The following CPED1 variants were observed in gnomAD, a reference collection of about 807,000 sequenced individuals.
CPED1 encodes the protein cadherin-like and PC-esterase domain-containing protein 1.
Under a neutral mutation model 128.2 loss-of-function variants are expected in CPED1, and 114 were observed. That is an observed-to-expected ratio of 0.89 (90% confidence interval 0.76 to 1.04). The LOEUF (loss-of-function observed/expected upper bound fraction) is 1.04, where lower values mean the gene tolerates loss of function less well. Among genes scored for constraint, CPED1 ranks in the 50% least tolerant of loss-of-function variants. The pLI, the probability that CPED1 is intolerant of heterozygous loss-of-function variation, is 0.00. For synonymous variants in CPED1, 462 were observed against 426.7 expected, an observed-to-expected ratio of 1.08 and a Z score of -1.02; for missense variants, 1,211 against 1,207.1, an observed-to-expected ratio of 1.00 and a Z score of -0.05.
chr7:121,142,107 T>C lies in CPED1; in HGVS notation c.2021T>C (p.Leu674Ser). Residue 674 changes from leucine to serine, a missense_variant, in exon 16 of 23, where the codon TTG becomes TCG. Leu to Ser is a moderately radical substitution (Grantham distance 145). Transcript: ENST00000310396. ...AGAGAAGACCGCCCAAGTCTGCCCT[T>C]GTTTGAGGCCTTCACAGCATGTGGT... is the stretch of plus-strand genomic sequence containing the variant. ...IYREDRPSLP[L>S]FEAFTACGFV... is the part of the protein sequence containing the mutation. The C allele has an allele frequency of 6.2e-7, 1 of 1,612,016 alleles. No homozygotes were observed. Among genetic ancestry groups the C allele is most frequent in the Non-Finnish European group, 8.5e-7 (1 of 1,178,586 alleles).
chr7:121,100,813 A>T (rs1794831463), intron 7 of CPED1, among the ~76,000 whole-genome samples: 1 of 152,168 alleles, frequency 6.6e-6, no homozygotes, highest in African/African-American at 2.4e-5. Context: ...TTAGAAAATG[A>T]CTGAACTTGA....
intron 18 of CPED1, among the ~76,000 whole-genome samples, chr7:121,260,752 G>T (rs1426205115): frequency 2.0e-5 from 3 of 152,002 alleles, no homozygotes; most frequent in Non-Finnish European, 2.9e-5. Context: ...CTTTGGGAAG[G>T]TTCTAGTGGG....
rs1261779586 is a variant in CPED1 at position 120,989,481 on chromosome 7, A to G, written c.-141A>G. 8.9e-7 allele frequency: 1 copy of G among 1,123,726 alleles called. No homozygotes were observed. The highest frequency in any genetic ancestry group is 2.5e-5 in the Admixed American group (1 of 40,750). 69.6% of individuals were successfully genotyped at this position (1,123,726 alleles called of 1,614,324 possible). A position where few individuals can be genotyped will look rare whatever the true frequency, so the allele number is the denominator to read the frequency against. On this transcript the variant is annotated 5_prime_UTR_variant, in exon 2 of 23. Transcript: ENST00000310396. Reference sequence around the variant, plus strand: ...ATGATTCTTTGGCACAACCTTTTGGAAAATTCTTAAGCAGGGATGAAGCAA... The same window carrying G: ...ATGATTCTTTGGCACAACCTTTTGGGAAATTCTTAAGCAGGGATGAAGCAA...
At chr7:121,097,644 A>G in intron 5 of CPED1, 55 bp from the exon 6 acceptor site, 2 of 1,598,882 alleles carry the variant, frequency 1.3e-6, no homozygotes, top group South Asian at 2.2e-5. Flanking sequence ...TTTTCAAAGC[A>G]GTTCCAGAAA....
At chr7:121,067,384 G>C (rs531749757) in intron 5 of CPED1, among the ~76,000 whole-genome samples, 26 of 151,994 alleles carry the variant, frequency 1.7e-4, no homozygotes, top group African/African-American at 6.0e-4. Flanking sequence ...TTGTCCTTGC[G>C]ATAGTTTGCT....
At chr7:121,189,760 T>TTATATATATATATA (rs377035175) in intron 16 of CPED1, among the ~76,000 whole-genome samples, 2,129 of 46,924 alleles carry the variant, frequency 0.045, 81 homozygotes, top group Non-Finnish European at 0.056. Flanking sequence ...TTATGAGGTT[T>TTATATATATATATA]TATATATATA....
chr7:121,133,975 T>C (rs1795731751), intron 13 of CPED1, 82 bp downstream of exon 13: 2 of 731,334 alleles, frequency 2.7e-6, no homozygotes, highest in South Asian at 1.8e-5. Flanking sequence ...TTTAGCTTCA[T>C]TAGCAATCAA....
intron 13 of CPED1, among the ~76,000 whole-genome samples, chr7:121,135,520 G>A (rs577841112): frequency 1.3e-5 from 2 of 152,056 alleles, no homozygotes; most frequent in African/African-American, 4.8e-5. Flanking sequence ...GAATCAGTAG[G>A]TGCAGTGAAG....
intron 16 of CPED1, among the ~76,000 whole-genome samples, chr7:121,206,854 A>G (rs1486751548): frequency 6.6e-6 from 1 of 152,008 alleles, no homozygotes; most frequent in African/African-American, 2.4e-5. Flanking sequence ...CACCTATCCC[A>G]TCATACTCAG....
At chr7:121,054,170 G>A (rs1478037840) in intron 4 of CPED1, among the ~76,000 whole-genome samples, 5 of 152,152 alleles carry the variant, frequency 3.3e-5, no homozygotes, top group African/African-American at 1.2e-4. Flanking sequence ...AGAGGGCTTG[G>A]AAATATCTGT....
intron 16 of CPED1, among the ~76,000 whole-genome samples, chr7:121,212,645 A>G (rs1356203985): frequency 6.6e-6 from 1 of 151,980 alleles, no homozygotes; most frequent in African/African-American, 2.4e-5. Flanking sequence ...GGCAGGGGCT[A>G]TGGCAGGCTC....
chr7:121,134,003 G>A, intron 13 of CPED1, 110 bp downstream of exon 13: 1 of 624,194 alleles, frequency 1.6e-6, no homozygotes, highest in Non-Finnish European at 2.8e-6. Flanking sequence ...AATTAAATGA[G>A]GAAATGCTAT....
chr7:120,997,810 T>C (rs1453199580), intron 2 of CPED1, among the ~76,000 whole-genome samples: 1 of 151,872 alleles, frequency 6.6e-6, no homozygotes, highest in Admixed American at 6.6e-5. Context: ...TAATTCCAGC[T>C]ACTCAGTAGA....
chr7:121,209,873 C>T (rs112692441), intron 16 of CPED1, among the ~76,000 whole-genome samples: 51 of 151,952 alleles, frequency 3.4e-4, no homozygotes, highest in African/African-American at 1.1e-3. Context: ...GAATTAATAA[C>T]CAGAACACAT....
chr7:121,163,384 T>TG, intron 16 of CPED1, among the ~76,000 whole-genome samples: 1 of 152,324 alleles, frequency 6.6e-6, no homozygotes, highest in East Asian at 1.9e-4. Context: ...TGAGCTATTG[T>TG]GGGAAGACTA....
At chr7:121,137,469 G>A (rs925907727) in intron 14 of CPED1, among the ~76,000 whole-genome samples, 2 of 151,858 alleles carry the variant, frequency 1.3e-5, no homozygotes, top group Non-Finnish European at 2.9e-5. Context: ...CACCGTGGCT[G>A]GCCTAATTTA....
At chr7:121,167,886 C>T (rs553515265) in intron 16 of CPED1, among the ~76,000 whole-genome samples, 1 of 152,010 alleles carries the variant, frequency 6.6e-6, no homozygotes, top group Non-Finnish European at 1.5e-5. Context: ...CGCCTGCCAC[C>T]ATGCCCGGCT....
intron 18 of CPED1, among the ~76,000 whole-genome samples, chr7:121,253,984 T>C (rs566674820): frequency 6.6e-6 from 1 of 152,186 alleles, no homozygotes; most frequent in South Asian, 2.1e-4. Flanking sequence ...AACACCCCAC[T>C]GACAGCATTA....
chr7:121,108,609 A>G (rs964953556), intron 7 of CPED1, among the ~76,000 whole-genome samples: 1 of 150,318 alleles, frequency 6.7e-6, no homozygotes, highest in Admixed American at 6.6e-5. Flanking sequence ...TTTTTCATAT[A>G]AGGAAATTCA....
Sources: allele counts gnomAD v4.1 joint callset (sites outside exome capture counted in the v4.1 genomes callset), GRCh38; gene constraint gnomAD v4.1.1; transcripts MANE v1.5; gene names NCBI Gene and HGNC (gene_info 2026-07-23, HGNC 2026-07-21).